Variants in STAG1 observed in about 807,000 individuals in gnomAD.
STAG1 encodes cohesin subunit SA-1.
STAG1 carries 26 observed loss-of-function variants against 170.9 expected under a neutral mutation model. The observed-to-expected ratio is 0.15, with a 90% CI of 0.11 to 0.21. STAG1 has a LOEUF of 0.21. Among genes scored for constraint, STAG1 ranks in the 10% least tolerant of loss-of-function variants. The pLI is 1.00. For missense variants in STAG1, 964 were observed against 1,509.5 expected, an observed-to-expected ratio of 0.64 and a Z score of 5.99; for synonymous variants, 514 against 497.7, an observed-to-expected ratio of 1.03 and a Z score of -0.44.
chr3:136,705,377 AAACACACAC>A (rs1559962266), intron 1 of STAG1, among the ~76,000 whole-genome samples: 1 of 80,644 alleles, frequency 1.2e-5, no homozygotes, highest in South Asian at 4.4e-4. Flanking sequence ...CATGATCATC[AAACACACAC>A]ACACACACAC....
chr3:136,565,698 A>G (rs1937050056), intron 5 of STAG1, among the ~76,000 whole-genome samples: 1 of 152,228 alleles, frequency 6.6e-6, no homozygotes, highest in Non-Finnish European at 1.5e-5. Flanking sequence ...CAAAGACTCA[A>G]AAACGGCACT....
chr3:136,666,202 G>A (rs1024838971), intron 1 of STAG1, among the ~76,000 whole-genome samples: 1 of 146,442 alleles, frequency 6.8e-6, no homozygotes, highest in Non-Finnish European at 1.5e-5. Flanking sequence ...AGTCCTACAA[G>A]CACTTAGAAA....
Position 136,660,479 on chromosome 3 carries a change from GA to G in STAG1, c.-83-29499del, listed in dbSNP as rs144952091. On this transcript the variant is annotated intron_variant, in intron 1 of 33. Coordinates refer to ENST00000383202, the MANE Select transcript of STAG1 (RefSeq NM_005862.3). Reference sequence around the variant, plus strand: ...GTACTACTCAGGATGTTTTTCACGAGAAAAAAAACTACAAATAGGATAATTA... The same window carrying G: ...GTACTACTCAGGATGTTTTTCACGAGAAAAAAACTACAAATAGGATAATTA... 1.1e-3 allele frequency among the ~76,000 whole-genome samples: 173 copies of G among 151,498 alleles called. 1 individual carries two copies. Among genetic ancestry groups the G allele is most frequent in the East Asian group, 8.1e-3 (42 of 5,170 alleles).
intron 4 of STAG1, among the ~76,000 whole-genome samples, chr3:136,593,039 C>T (rs1431805296): frequency 1.3e-5 from 2 of 152,156 alleles, no homozygotes; most frequent in Non-Finnish European, 2.9e-5. Context: ...TCACTAGGTT[C>T]ACCCACCAAC....
At chr3:136,736,778 T>A in intron 1 of STAG1, 1 of 1,597,808 alleles carries the variant, frequency 6.3e-7, no homozygotes, top group Non-Finnish European at 8.6e-7. Context: ...TACAGCTTGT[T>A]TGAACAGCTC....
chr3:136,467,381 T>A (rs953309803), intron 12 of STAG1, among the ~76,000 whole-genome samples: 107 of 152,074 alleles, frequency 7.0e-4, no homozygotes, highest in African/African-American at 2.5e-3. Flanking sequence ...AAAACAGACT[T>A]TAAACCAACA....
chr3:136,728,927 T>A (rs1292237728), intron 1 of STAG1, among the ~76,000 whole-genome samples: 1 of 152,202 alleles, frequency 6.6e-6, no homozygotes, highest in Non-Finnish European at 1.5e-5. Context: ...TTCATTTCTA[T>A]TTAACAAAAC....
chr3:136,484,362 T>TG (rs1182464237), intron 9 of STAG1, among the ~76,000 whole-genome samples: 4 of 146,976 alleles, frequency 2.7e-5, no homozygotes, highest in South Asian at 2.3e-4. Flanking sequence ...GTGCCCCTGC[T>TG]GTGGGGTGTC....
At chr3:136,454,951 C>T (rs1347524190) in intron 13 of STAG1, among the ~76,000 whole-genome samples, 4 of 152,076 alleles carry the variant, frequency 2.6e-5, no homozygotes, top group Non-Finnish European at 5.9e-5. Flanking sequence ...TTAAGATTTT[C>T]TAAGTCACCA....
chr3:136,383,369 T>C (rs996098074), intron 22 of STAG1, among the ~76,000 whole-genome samples: 3 of 152,200 alleles, frequency 2.0e-5, no homozygotes, highest in Admixed American at 2.0e-4. Flanking sequence ...ACACTTACTA[T>C]GAATTCTTTT....
chr3:136,651,376 T>TAAAAAAAAAAAAAA (rs57372663), intron 1 of STAG1, among the ~76,000 whole-genome samples: 1 of 121,992 alleles, frequency 8.2e-6, no homozygotes, highest in Non-Finnish European at 1.7e-5. Context: ...ACCAAAAATT[T>TAAAAAAAAAAAAAA]AAAAAAAAAA....
At chr3:136,470,224 A>G (rs1174421423) in intron 12 of STAG1, among the ~76,000 whole-genome samples, 2 of 152,284 alleles carry the variant, frequency 1.3e-5, no homozygotes, top group Admixed American at 1.3e-4. Flanking sequence ...GAAAATTTTC[A>G]CAATCTACTC....
chr3:136,437,300 C>T (rs764513130), intron 15 of STAG1, among the ~76,000 whole-genome samples: 5 of 152,140 alleles, frequency 3.3e-5, no homozygotes, highest in Non-Finnish European at 7.4e-5. Flanking sequence ...TTACCCTGAA[C>T]GGGGAGATAA....
intron 1 of STAG1, among the ~76,000 whole-genome samples, chr3:136,656,758 G>A (rs561744198): frequency 2.3e-4 from 35 of 151,844 alleles, no homozygotes; most frequent in Non-Finnish European, 4.6e-4. Flanking sequence ...CATGAACTGT[G>A]GTCAGGATTA....
chr3:136,684,176 G>T (rs902454513), intron 1 of STAG1, among the ~76,000 whole-genome samples: 2 of 152,174 alleles, frequency 1.3e-5, no homozygotes, highest in Non-Finnish European at 2.9e-5. Context: ...CTAACAAAGC[G>T]ATTCTGGTTT....
At chr3:136,474,980 G>A (rs1390535984) in intron 10 of STAG1, among the ~76,000 whole-genome samples, 2 of 152,024 alleles carry the variant, frequency 1.3e-5, no homozygotes, top group Non-Finnish European at 2.9e-5. Flanking sequence ...GGGTGAAACA[G>A]CCCAGCCTCC....
intron 16 of STAG1, among the ~76,000 whole-genome samples, chr3:136,426,999 G>C (rs1366538781): frequency 6.6e-6 from 1 of 151,606 alleles, no homozygotes; most frequent in African/African-American, 2.4e-5. Flanking sequence ...GGCGCAGCTT[G>C]CAGTGAGCCG....
chr3:136,714,445 T>C (rs1943466235), intron 1 of STAG1, among the ~76,000 whole-genome samples: 1 of 151,814 alleles, frequency 6.6e-6, no homozygotes, highest in South Asian at 2.1e-4. Flanking sequence ...ATAAGAAAAT[T>C]AGGCCGGGCG....
At chr3:136,467,551 A>G (rs1409584304) in intron 12 of STAG1, among the ~76,000 whole-genome samples, 6 of 152,136 alleles carry the variant, frequency 3.9e-5, no homozygotes, top group Admixed American at 1.3e-4. Context: ...CTCCCACACA[A>G]TAATAATGGG....
Sources: allele counts gnomAD v4.1 joint callset (sites outside exome capture counted in the v4.1 genomes callset), GRCh38; gene constraint gnomAD v4.1.1; transcripts MANE v1.5; gene names NCBI Gene and HGNC (gene_info 2026-07-23, HGNC 2026-07-21).